IL3RA: variants seen among roughly 807,000 people sequenced by gnomAD.
IL3RA encodes the protein interleukin-3 receptor subunit alpha.
A neutral mutation model predicts 52.3 loss-of-function variants in IL3RA; 73 were observed. The ratio of observed to expected loss-of-function variants is 1.40; its 90% CI spans 1.16 to 1.70. The LOEUF is 1.70. Ranked by LOEUF, IL3RA falls within the 40% of genes most tolerant of loss-of-function variation. IL3RA has a pLI of 0.00. For missense variants in IL3RA, 664 were observed against 504.4 expected, an observed-to-expected ratio of 1.32 and a Z score of -3.03; for synonymous variants, 260 against 194.0, an observed-to-expected ratio of 1.34 and a Z score of -2.83.
chrX:1,380,913 C>G, intron 10 of IL3RA, 110 bp from the exon 11 acceptor site: 1 of 904,022 alleles, frequency 1.1e-6, no homozygotes. Context: ...GAGTAGATGA[C>G]TTGAGTCTTT....
intron 11 of IL3RA, 42 bp downstream of exon 11, chrX:1,381,146 G>T (rs756154450): frequency 6.3e-7 from 1 of 1,593,684 alleles, no homozygotes; most frequent in Middle Eastern, 1.7e-4. Flanking sequence ...TGGAGGCGTG[G>T]TGGCCACTTT....
intron 3 of IL3RA, 107 bp downstream of exon 3, chrX:1,345,541 C>G (rs1421480412): frequency 7.2e-6 from 5 of 695,130 alleles, no homozygotes; most frequent in South Asian, 4.2e-5. Context: ...CCAGGCTGGA[C>G]TGCGGTGACC....
intron 2 of IL3RA, among the ~76,000 whole-genome samples, chrX:1,343,035 A>C (rs1344742765): frequency 7.9e-5 from 12 of 151,676 alleles, no homozygotes; most frequent in Admixed American, 3.9e-4. Context: ...AGATCACGCC[A>C]TTGCACTCCA....
At chrX:1,345,273 A>C in intron 2 of IL3RA, 43 bp from the exon 3 acceptor site, 1 of 1,368,856 alleles carries the variant, frequency 7.3e-7, no homozygotes, top group Non-Finnish European at 1.0e-6. Context: ...CCGTTTTAAG[A>C]TTCTTACGTA....
chrX:1,358,643 A>T (rs2086920315), intron 7 of IL3RA, among the ~76,000 whole-genome samples: 1 of 152,200 alleles, frequency 6.6e-6, no homozygotes, highest in South Asian at 2.1e-4. Context: ...TGGGTGACGG[A>T]GTGAGACTCC....
At chrX:1,361,493 T>C (rs1465761198) in intron 8 of IL3RA, among the ~76,000 whole-genome samples, 5 of 152,118 alleles carry the variant, frequency 3.3e-5, no homozygotes, top group African/African-American at 1.2e-4. Flanking sequence ...GACTCATGCC[T>C]GTAATCACAG....
At chrX:1,360,568 G>C (rs1264483372) in intron 8 of IL3RA, among the ~76,000 whole-genome samples, 3 of 151,834 alleles carry the variant, frequency 2.0e-5, no homozygotes, top group Admixed American at 2.0e-4. Context: ...GCCCAGGCTG[G>C]AGTGCGATGG....
At chrX:1,373,909 G>T (rs1462767376) in intron 9 of IL3RA, among the ~76,000 whole-genome samples, 2 of 55,758 alleles carry the variant, frequency 3.6e-5, no homozygotes, top group Admixed American at 2.0e-4. Flanking sequence ...GCCCACACCT[G>T]GATCTCAGAC....
chrX:1,348,664 TTCTTTC>T (rs1163643024), intron 4 of IL3RA, 119 bp downstream of exon 4: 10 of 454,700 alleles, frequency 2.2e-5, no homozygotes, highest in Admixed American at 1.3e-4. Context: ...CTTTCTTTCT[TTCTTTC>T]TTTCTTTCTT....
chrX:1,338,514 G>A (rs1448222920), intron 1 of IL3RA, among the ~76,000 whole-genome samples: 1 of 152,056 alleles, frequency 6.6e-6, no homozygotes, highest in Non-Finnish European at 1.5e-5. Flanking sequence ...AATATAATGT[G>A]GTCCAGCCAC....
chrX:1,377,062 G>A (rs7391600), intron 9 of IL3RA, among the ~76,000 whole-genome samples: 13 of 140,430 alleles, frequency 9.3e-5, no homozygotes, highest in Non-Finnish European at 1.7e-4. Flanking sequence ...AAGAAGAGGA[G>A]ATGAGGACAC....
chrX:1,359,738 A>ATC (rs1220456093), intron 8 of IL3RA, among the ~76,000 whole-genome samples: 3 of 54,620 alleles, frequency 5.5e-5, no homozygotes, highest in Non-Finnish European at 1.2e-4. Context: ...CCCCGTTCCC[A>ATC]TCTCTCTCTC....
At chrX:1,358,808 G>A (rs1244666096) in intron 7 of IL3RA, 53 bp from the exon 8 acceptor site, 9 of 1,606,610 alleles carry the variant, frequency 5.6e-6, no homozygotes, top group Non-Finnish European at 7.7e-6. Flanking sequence ...GGGAGGAGGA[G>A]GCTTTCAGGG....
intron 6 of IL3RA, among the ~76,000 whole-genome samples, chrX:1,354,966 A>G (rs775371983): frequency 7.8e-3 from 4 of 514 alleles, no homozygotes; most frequent in African/African-American, 0.049. Flanking sequence ...AGAGAGGAGG[A>G]CTGGGGGGAG....
intron 8 of IL3RA, among the ~76,000 whole-genome samples, chrX:1,362,596 CCT>C (rs1393656525): frequency 8.6e-5 from 13 of 150,802 alleles, no homozygotes; most frequent in African/African-American, 3.2e-4. Context: ...TCTGTCTCTC[CCT>C]GTCTGTTTCT....
At chrX:1,345,257 A>G in intron 2 of IL3RA, 59 bp from the exon 3 acceptor site, 1 of 1,156,054 alleles carries the variant, frequency 8.7e-7, no homozygotes, top group Non-Finnish European at 1.3e-6. Context: ...CATACCCCTT[A>G]CAATGCCGTT....
At chrX:1,344,951 A>T (rs1167725471) in intron 2 of IL3RA, among the ~76,000 whole-genome samples, 2 of 150,100 alleles carry the variant, frequency 1.3e-5, no homozygotes, top group Non-Finnish European at 3.0e-5. Flanking sequence ...TCATGAGGTC[A>T]GGAGATCGAG....
chrX:1,352,093 A>C lies in IL3RA; in HGVS notation c.299-7A>C. On this transcript the variant is annotated splice_polypyrimidine_tract_variant and splice_region_variant and intron_variant, in intron 4 of 11. Transcript: ENST00000331035. ...ATTCGAGTTCTCTTTCATGTTTGTGAACCCAGGTGGGAAGCCTTGGGCAGG... is the reference window on the plus strand; with the variant it reads ...ATTCGAGTTCTCTTTCATGTTTGTGCACCCAGGTGGGAAGCCTTGGGCAGG... The C allele has an allele frequency of 6.2e-7, 1 of 1,613,350 alleles. No individual in the cohort carries two copies. Among genetic ancestry groups the C allele is most frequent in the South Asian group, 1.1e-5 (1 of 91,050 alleles).
At chrX:1,358,128 T>G (rs2086881744) in intron 7 of IL3RA, among the ~76,000 whole-genome samples, 1 of 150,150 alleles carries the variant, frequency 6.7e-6, no homozygotes, top group African/African-American at 2.5e-5. Flanking sequence ...AAAAAGAAAA[T>G]AAATACAGCA....
Sources: allele counts gnomAD v4.1 joint callset (sites outside exome capture counted in the v4.1 genomes callset), GRCh38; gene constraint gnomAD v4.1.1; transcripts MANE v1.5; gene names NCBI Gene and HGNC (gene_info 2026-07-23, HGNC 2026-07-21).